The following CELF2 variants were observed in gnomAD, a reference collection of about 807,000 sequenced individuals.
CELF2 encodes CUGBP Elav-like family member 2.
CELF2 carries 8 observed loss-of-function variants against 62.6 expected under a neutral mutation model. The ratio of observed to expected loss-of-function variants is 0.13; its 90% CI spans 0.07 to 0.23. The LOEUF is 0.23. Among genes scored for constraint, CELF2 ranks in the 10% least tolerant of loss-of-function variants. The pLI is 1.00. For synonymous variants in CELF2, 258 were observed against 250.0 expected (o/e 1.03, Z -0.30); for missense variants, 333 against 671.0 (o/e 0.50, Z 5.56).
At chr10:11,179,905 G>T (rs930577462) in intron 2 of CELF2, among the ~76,000 whole-genome samples, 1 of 152,122 alleles carries the variant, frequency 6.6e-6, no homozygotes, top group African/African-American at 2.4e-5. Context: ...GTGGTGTCAG[G>T]TAACAGTCAC....
chr10:11,154,491 G>A (rs767666857), intron 1 of CELF2, among the ~76,000 whole-genome samples: 2 of 152,260 alleles, frequency 1.3e-5, no homozygotes, highest in Non-Finnish European at 2.9e-5. Context: ...AAACATGCAG[G>A]ATGAGGTGGC....
At chr10:11,025,209 G>GTA in intron 1 of CELF2, among the ~76,000 whole-genome samples, 1 of 62,000 alleles carries the variant, frequency 1.6e-5, no homozygotes. Context: ...ATACATATAT[G>GTA]TGTGTGTGTG....
At chr10:11,005,258 GA>G (rs2137109303), upstream of CELF2, 48 of 796,416 alleles carry the variant, frequency 6.0e-5, no homozygotes, top group East Asian at 1.5e-4. The surrounding 1 kb of genome is among the most constrained non-coding windows in gnomAD (Gnocchi z 4.3). Context: ...GAGAGAGGGA[GA>G]GAGAGAGAGA....
intron 1 of CELF2, chr10:11,030,251 G>A (rs1432803196): frequency 6.6e-6 from 1 of 152,204 alleles, no homozygotes; most frequent in Non-Finnish European, 1.5e-5. Flanking sequence ...ATCAGGCTAA[G>A]GAGTTTATAT....
chr10:11,149,672 A>T (rs597917), intron 1 of CELF2, among the ~76,000 whole-genome samples: 3 of 152,046 alleles, frequency 2.0e-5, no homozygotes, highest in East Asian at 1.9e-4. Context: ...TTGGCTTCTC[A>T]TGTTCCTGTG....
intron 1 of CELF2, among the ~76,000 whole-genome samples, chr10:10,828,285 A>G (rs1386767273): frequency 6.6e-6 from 1 of 152,204 alleles, no homozygotes; most frequent in Non-Finnish European, 1.5e-5. Flanking sequence ...AGGTGAATAG[A>G]TAAACAAAAT....
intron 1 of CELF2, among the ~76,000 whole-genome samples, chr10:10,875,283 T>C (rs763324303): frequency 6.6e-6 from 1 of 152,232 alleles, no homozygotes; most frequent in Non-Finnish European, 1.5e-5. Flanking sequence ...TCTCTCTACA[T>C]ATGCTATTTC....
At chr10:11,040,209 T>C (rs2061590614) in intron 1 of CELF2, among the ~76,000 whole-genome samples, 1 of 152,196 alleles carries the variant, frequency 6.6e-6, no homozygotes, top group Admixed American at 6.5e-5. Flanking sequence ...ACTGCCATCT[T>C]AACTGTGTTC....
chr10:11,172,207 T>C (rs2069121140), intron 2 of CELF2, among the ~76,000 whole-genome samples: 1 of 152,164 alleles, frequency 6.6e-6, no homozygotes, highest in Non-Finnish European at 1.5e-5. Context: ...GGGCATCTCA[T>C]CCTGAATTAA....
intron 1 of CELF2, among the ~76,000 whole-genome samples, chr10:11,126,722 A>G (rs1007162248): frequency 1.3e-5 from 2 of 152,228 alleles, no homozygotes; most frequent in Non-Finnish European, 2.9e-5. Context: ...TTGACATTTC[A>G]TAAGTTTCAT....
intron 3 of CELF2, among the ~76,000 whole-genome samples, chr10:11,234,409 G>A (rs368998348): frequency 1.3e-5 from 2 of 152,190 alleles, no homozygotes; most frequent in Admixed American, 6.5e-5. Flanking sequence ...CTGGCTGGGC[G>A]CGGTGGCTCA....
the CELF2 span, among the ~76,000 whole-genome samples, chr10:10,621,077 A>AAAT: frequency 6.0e-5 from 9 of 148,850 alleles, no homozygotes; most frequent in South Asian, 2.1e-4. Flanking sequence ...AAAAAATAAA[A>AAAT]AATAATAATA....
chr10:11,283,980 G>A (rs1172526449), intron 8 of CELF2, among the ~76,000 whole-genome samples: 13 of 136,862 alleles, frequency 9.5e-5, no homozygotes, highest in African/African-American at 1.6e-4. Context: ...GATGACGGAT[G>A]AGTGTGTGGT....
At chr10:10,893,694 C>A (rs1035870969) in intron 1 of CELF2, among the ~76,000 whole-genome samples, 3 of 152,112 alleles carry the variant, frequency 2.0e-5, no homozygotes, top group African/African-American at 7.2e-5. Flanking sequence ...CCAGTCATGG[C>A]AGAAGGCAAA....
At chr10:10,959,043 G>A (rs1804804569) in intron 2 of CELF2, among the ~76,000 whole-genome samples, 1 of 152,178 alleles carries the variant, frequency 6.6e-6, no homozygotes, top group African/African-American at 2.4e-5. Context: ...GATCTTTTGA[G>A]ATCAGGAGTT....
intron 1 of CELF2, among the ~76,000 whole-genome samples, chr10:11,025,748 A>G (rs2138435556): frequency 6.6e-6 from 1 of 152,370 alleles, no homozygotes; most frequent in South Asian, 2.1e-4. Context: ...TTACCATTGT[A>G]ACTGAAAGAC....
chr10:11,280,336 C>T lies in CELF2; in HGVS notation c.841+5216C>T, dbSNP rs780794095. Among the ~76,000 whole-genome samples the T allele has an allele frequency of 4.6e-5, 7 of 152,134 alleles. No homozygotes were observed. The highest frequency in any genetic ancestry group is 4.1e-4 in the South Asian group (2 of 4,820). On this transcript the variant is annotated intron_variant, in intron 8 of 12. Transcript: ENST00000633077. This position sits in a 1 kb window ranked among gnomAD's most constrained non-coding sequence, Gnocchi z 7.6. ...ACACCTGTGCCCGAGAAGCCTAGTC[C>T]GGCTAAGAAGGGAGAGGGAACCTCT...
intron 3 of CELF2, among the ~76,000 whole-genome samples, chr10:11,248,373 C>T (rs1444805236): frequency 6.6e-6 from 1 of 152,180 alleles, no homozygotes; most frequent in Non-Finnish European, 1.5e-5. Context: ...CTAGTCCTTT[C>T]TACTCCTGTC....
chr10:11,195,336 GGTT>G (rs962168946), intron 2 of CELF2, among the ~76,000 whole-genome samples: 6 of 152,146 alleles, frequency 3.9e-5, no homozygotes, highest in Non-Finnish European at 1.5e-5. Flanking sequence ...GTGTGCAGTG[GGTT>G]GTTCTGAAAG....
Sources: gnomAD v4.1 joint callset for allele counts (sites outside exome capture counted in the v4.1 genomes callset) on GRCh38, gnomAD v4.1.1 for gene constraint, Gnocchi (gnomAD v3.1) non-coding constraint, MANE v1.5 for transcripts, NCBI Gene and HGNC (gene_info 2026-07-23, HGNC 2026-07-21) for gene names.